Variants in MROH9 observed in about 807,000 individuals in gnomAD.
MROH9 encodes maestro heat-like repeat-containing protein family member 9.
In MROH9, 92 loss-of-function variants were observed where a neutral mutation model predicts 98.2. The ratio of observed to expected loss-of-function variants is 0.94; its 90% confidence interval spans 0.79 to 1.11. The LOEUF (loss-of-function observed/expected upper bound fraction) is 1.11. Ranked by LOEUF, MROH9 falls within the 50% of genes most tolerant of loss-of-function variation. The pLI, the probability that MROH9 is intolerant of heterozygous loss-of-function variation, is 0.00. For synonymous variants in MROH9, 397 were observed against 368.9 expected (o/e 1.08, Z -0.87); for missense variants, 1,057 against 1,014.8 (o/e 1.04, Z -0.57).
chr1:171,064,590 C>A lies in MROH9; in HGVS notation c.*250C>A. 2 of 368,030 alleles carry A rather than the reference C, an allele frequency of 5.4e-6. No individual in the cohort carries two copies. The highest frequency in any genetic ancestry group is 4.8e-6 in the Non-Finnish European group (1 of 208,366). 22.8% of individuals were successfully genotyped at this position (368,030 alleles called of 1,614,324 possible). On this transcript the variant is annotated 3_prime_UTR_variant, in exon 22 of 22. Transcript: ENST00000367759. ...CAGAAGCCCTATTTCATCAAAACCA[C>A]TAAGACAATTGAAAATAACATAAGC...
At chr1:171,039,971 A>T (rs1375165502) in intron 20 of MROH9, among the ~76,000 whole-genome samples, 6 of 152,132 alleles carry the variant, frequency 3.9e-5, no homozygotes, top group African/African-American at 1.4e-4. Context: ...CAAAGAAAAA[A>T]TATAAAATAT....
chr1:170,990,011 C>T lies in MROH9; in HGVS notation c.1028+8C>T, dbSNP rs775856958. ...CCCAGTTCCAGCAGACGAGTAAGGCCCCCCAACCCTCTGTCCCTTCCACAA... is the reference window on the plus strand; with the variant it reads ...CCCAGTTCCAGCAGACGAGTAAGGCTCCCCAACCCTCTGTCCCTTCCACAA... On this transcript the variant is annotated splice_region_variant and intron_variant, in intron 11 of 21. Coordinates refer to ENST00000367759, the MANE Select transcript of MROH9 (RefSeq NM_001163629.2). 30 of 1,606,802 alleles carry T rather than the reference C, an allele frequency of 1.9e-5. No homozygotes were observed. In the South Asian group the frequency reaches 2.8e-4, roughly 15 times the overall value.
chr1:171,021,114 CACAA>C (rs1360619592), intron 17 of MROH9, among the ~76,000 whole-genome samples: 5 of 152,040 alleles, frequency 3.3e-5, no homozygotes, highest in Admixed American at 3.3e-4. Context: ...TCAGAGAGGA[CACAA>C]ACAAATGGAA....
At position 170,989,753 on chromosome 1, in the gene MROH9, T is replaced by A. The variant is rs921744947; in HGVS notation, c.880-102T>A. ...ATCTGTATGTTAGTTGCTGCTTTGG[T>A]AATTCTGAGAAAAAGTGAATTCTTA... is the stretch of plus-strand genomic sequence containing the variant. On this transcript the variant is annotated intron_variant, in intron 10 of 21. Transcript: ENST00000367759. 7 of 1,075,772 alleles carry A rather than the reference T, an allele frequency of 6.5e-6. No individual in the cohort carries two copies. The African/African-American group carries it at 1.1e-4, about 17-fold the overall frequency. 66.6% of individuals were successfully genotyped at this position (1,075,772 alleles called of 1,614,324 possible).
chr1:170,947,508 T>C lies in MROH9; in HGVS notation c.26-19T>C. The C allele has an allele frequency of 6.2e-7, 1 of 1,607,172 alleles. No individual in the cohort carries two copies. Among genetic ancestry groups the C allele is most frequent in the Non-Finnish European group, 8.5e-7 (1 of 1,174,842 alleles). On this transcript the variant is annotated intron_variant, in intron 2 of 21. Transcript: ENST00000367759. ...TCTATGTTCATTCCTTTTTAACGAA[T>C]CTCCTTCTTTCTGGCTAGAGAGTAG...
chr1:171,021,648 C>T (rs142155100), intron 17 of MROH9, among the ~76,000 whole-genome samples: 1 of 152,076 alleles, frequency 6.6e-6, no homozygotes, highest in Non-Finnish European at 1.5e-5. Context: ...ACCATACAAA[C>T]CCTCGAAGAA....
At chr1:170,968,105 C>T (rs1650301074) in intron 7 of MROH9, among the ~76,000 whole-genome samples, 3 of 151,980 alleles carry the variant, frequency 2.0e-5, no homozygotes, top group African/African-American at 7.3e-5. Flanking sequence ...ATGGTGGGAA[C>T]CCATGAGCAT....
intron 17 of MROH9, among the ~76,000 whole-genome samples, chr1:171,019,129 T>G (rs1652427102): frequency 6.6e-6 from 1 of 152,196 alleles, no homozygotes; most frequent in African/African-American, 2.4e-5. Context: ...AAAAACACAG[T>G]GCAATCACAT....
intron 3 of MROH9, among the ~76,000 whole-genome samples, chr1:170,951,469 A>G (rs556138381): frequency 6.6e-6 from 1 of 152,274 alleles, no homozygotes; most frequent in South Asian, 2.1e-4. Flanking sequence ...CAAAAGAATG[A>G]CACAGACTTA....
At chr1:170,961,008 C>G (rs57773970) in intron 5 of MROH9, among the ~76,000 whole-genome samples, 2 of 152,108 alleles carry the variant, frequency 1.3e-5, no homozygotes, top group Non-Finnish European at 2.9e-5. Flanking sequence ...ATGCTTGAGT[C>G]TTCTCCAACC....
chr1:170,969,498 T>C (rs986020924), intron 7 of MROH9, among the ~76,000 whole-genome samples: 1 of 152,214 alleles, frequency 6.6e-6, no homozygotes. Context: ...TAATGTTCTC[T>C]ATTGAGAGAA....
intron 20 of MROH9, among the ~76,000 whole-genome samples, chr1:171,054,701 T>C (rs1358758836): frequency 6.6e-6 from 1 of 152,108 alleles, no homozygotes; most frequent in Non-Finnish European, 1.5e-5. Context: ...AGGACATGAA[T>C]AGATAATTCT....
chr1:171,040,731 G>C (rs1571161147), intron 20 of MROH9, among the ~76,000 whole-genome samples: 3 of 152,140 alleles, frequency 2.0e-5, no homozygotes, highest in Admixed American at 1.3e-4. Context: ...AGTAGTAATT[G>C]AAACAAAGCA....
At chr1:171,054,748 A>C (rs1653775638) in intron 20 of MROH9, among the ~76,000 whole-genome samples, 1 of 152,220 alleles carries the variant, frequency 6.6e-6, no homozygotes, top group African/African-American at 2.4e-5. Context: ...AAACCTATGA[A>C]AATATGCTCC....
intron 20 of MROH9, among the ~76,000 whole-genome samples, chr1:171,047,032 G>A (rs572251762): frequency 6.6e-6 from 1 of 152,284 alleles, no homozygotes; most frequent in Non-Finnish European, 1.5e-5. Flanking sequence ...TCTGCTGCCA[G>A]ATGTATTGGA....
At chr1:171,020,115 C>T (rs755743620) in intron 17 of MROH9, among the ~76,000 whole-genome samples, 11 of 152,086 alleles carry the variant, frequency 7.2e-5, no homozygotes, top group Non-Finnish European at 1.5e-4. Flanking sequence ...GAAATTGTGG[C>T]AGTAATTAAT....
At chr1:170,984,856 T>A (rs1285093748) in intron 9 of MROH9, among the ~76,000 whole-genome samples, 1 of 152,016 alleles carries the variant, frequency 6.6e-6, no homozygotes, top group African/African-American at 2.4e-5. Flanking sequence ...CAGTAGTAGA[T>A]GGAACAGGTA....
intron 3 of MROH9, among the ~76,000 whole-genome samples, chr1:170,949,414 A>G (rs1649463368): frequency 6.6e-6 from 1 of 152,044 alleles, no homozygotes. Flanking sequence ...GTAAGCACAG[A>G]CTTAGTCATA....
At chr1:170,970,654 C>A (rs1650406388) in intron 7 of MROH9, among the ~76,000 whole-genome samples, 1 of 151,882 alleles carries the variant, frequency 6.6e-6, no homozygotes, top group Non-Finnish European at 1.5e-5. Flanking sequence ...GGCCTTCGCC[C>A]ATGACCTAGA....
Sources: gnomAD v4.1 joint callset for allele counts (sites outside exome capture counted in the v4.1 genomes callset) on GRCh38, gnomAD v4.1.1 for gene constraint, MANE v1.5 for transcripts, NCBI Gene and HGNC (gene_info 2026-07-23, HGNC 2026-07-21) for gene names.